The following RBM33 variants were observed in gnomAD, a reference collection of about 807,000 sequenced individuals.
RBM33 encodes RNA binding motif protein 33.
Under a neutral mutation model 132.6 loss-of-function variants are expected in RBM33, and 28 were observed. The ratio of observed to expected loss-of-function variants is 0.21; its 90% CI spans 0.16 to 0.29. The LOEUF (loss-of-function observed/expected upper bound fraction) is 0.29, where lower values mean the gene tolerates loss of function less well. Ranked by LOEUF, RBM33 falls within the 10% of genes least tolerant of loss-of-function variation. The probability of loss-of-function intolerance (pLI) is 1.00; values close to 1 mark genes in which losing one functional copy is unlikely to be tolerated. For missense variants in RBM33, 1,291 were observed against 1,518.5 expected, an observed-to-expected ratio of 0.85 and a Z score of 2.49; for synonymous variants, 634 against 593.0, an observed-to-expected ratio of 1.07 and a Z score of -1.01.
At chr7:155,657,252 G>A (rs1309646410) in intron 1 of RBM33, among the ~76,000 whole-genome samples, 6 of 152,062 alleles carry the variant, frequency 3.9e-5, no homozygotes, top group Admixed American at 6.5e-5. Flanking sequence ...AAAGTGCTAC[G>A]TAGCACGATG....
At chr7:155,663,440 TG>T (rs1740197411) in intron 1 of RBM33, among the ~76,000 whole-genome samples, 2 of 151,910 alleles carry the variant, frequency 1.3e-5, no homozygotes, top group Non-Finnish European at 2.9e-5. Flanking sequence ...TTACCTTACA[TG>T]GCAAAAGAAG....
intron 3 of RBM33, among the ~76,000 whole-genome samples, chr7:155,673,755 C>CGCGT (rs1491263273): frequency 1.2e-4 from 7 of 56,364 alleles, no homozygotes; most frequent in Non-Finnish European, 1.8e-4. Context: ...CGTGTATATA[C>CGCGT]GCGCGCATGC....
intron 3 of RBM33, among the ~76,000 whole-genome samples, chr7:155,677,078 G>A (rs537487280): frequency 1.3e-5 from 2 of 152,192 alleles, no homozygotes; most frequent in Non-Finnish European, 2.9e-5. Context: ...TACTGAGTTG[G>A]ACAGCCAAAC....
intron 1 of RBM33, among the ~76,000 whole-genome samples, chr7:155,656,464 C>T (rs531588376): frequency 5.3e-5 from 8 of 152,160 alleles, no homozygotes; most frequent in South Asian, 2.1e-4. Context: ...AGTGTAGTAT[C>T]GAAGAATATC....
intron 14 of RBM33, among the ~76,000 whole-genome samples, chr7:155,750,110 T>G (rs747224803): frequency 1.3e-5 from 2 of 152,228 alleles, no homozygotes; most frequent in Non-Finnish European, 2.9e-5. Flanking sequence ...TGCTAAAATT[T>G]TATGTGCCTT....
chr7:155,686,384 G>A (rs1168829550), intron 5 of RBM33, among the ~76,000 whole-genome samples: 3 of 152,168 alleles, frequency 2.0e-5, no homozygotes, highest in Non-Finnish European at 2.9e-5. Context: ...AGAAGACTGC[G>A]TGGAGATCAT....
chr7:155,733,111 A>G (rs567016436), intron 9 of RBM33, among the ~76,000 whole-genome samples: 1 of 152,178 alleles, frequency 6.6e-6, no homozygotes, highest in South Asian at 2.1e-4. Flanking sequence ...TTCTGTAGTG[A>G]TTTTGCATTT....
Position 155,680,827 on chromosome 7 carries a change from T to C in RBM33, c.486T>C (p.Tyr162=). 1 of 1,613,844 alleles carries C rather than the reference T, an allele frequency of 6.2e-7. No individual in the cohort carries two copies. The highest frequency in any genetic ancestry group is 1.1e-5 in the South Asian group (1 of 91,062). ...EAELTEDQIE[Y]VEEPEEEQLY... The stretch of plus-strand genomic sequence containing the variant: ...AGTTGACAGAAGACCAAATAGAATA[T>C]GTGGAAGAGCCAGAGGAGGAGCAGC... The change falls in exon 5 of 18, where the codon TAT becomes TAC. Residue 162 remains tyrosine (Y), a synonymous_variant. Coordinates refer to ENST00000401878, the MANE Select transcript of RBM33 (RefSeq NM_053043.3).
chr7:155,767,291 C>T (rs532819184), intron 16 of RBM33, among the ~76,000 whole-genome samples: 3 of 152,358 alleles, frequency 2.0e-5, no homozygotes, highest in Non-Finnish European at 2.9e-5. Context: ...TTGTTCAGTC[C>T]GATTTCTGGC....
At chr7:155,773,218 A>G (rs1007066364) in intron 16 of RBM33, among the ~76,000 whole-genome samples, 1 of 152,208 alleles carries the variant, frequency 6.6e-6, no homozygotes, top group Non-Finnish European at 1.5e-5. Flanking sequence ...GCAGTCCTTC[A>G]GGACAGTGTT....
chr7:155,644,938 C>T lies in RBM33; in HGVS notation c.43+19C>T, dbSNP rs888981628. ...GCCGGAGGTACGTGAGGCAGCCGGA[C>T]TCTGGGGGCCAGGACCGCGCCGCGG... On this transcript the variant is annotated intron_variant, in intron 1 of 17. Coordinates refer to ENST00000401878, the MANE Select transcript of RBM33 (RefSeq NM_053043.3). The T allele has an allele frequency of 6.7e-7, 1 of 1,490,704 alleles. No individual in the cohort carries two copies. The highest frequency in any genetic ancestry group is 8.9e-7 in the Non-Finnish European group (1 of 1,124,924). The allele number at this position is 1,490,704 out of a possible 1,614,324, so 92.3% of individuals were successfully genotyped here. A position where few individuals can be genotyped will look rare whatever the true frequency, so the allele number is the denominator to read the frequency against.
intron 11 of RBM33, chr7:155,739,343 G>C (rs903118130): frequency 6.2e-6 from 1 of 162,556 alleles, no homozygotes. Context: ...TGATGCCATC[G>C]TTTGAGAGTG....
intron 6 of RBM33, among the ~76,000 whole-genome samples, chr7:155,702,591 A>G (rs1298837780): frequency 6.6e-6 from 1 of 152,226 alleles, no homozygotes; most frequent in African/African-American, 2.4e-5. Flanking sequence ...AATTGGTAAT[A>G]TCACAGAACA....
At chr7:155,660,617 C>T (rs1798614348) in intron 1 of RBM33, among the ~76,000 whole-genome samples, 1 of 152,188 alleles carries the variant, frequency 6.6e-6, no homozygotes, top group Non-Finnish European at 1.5e-5. Flanking sequence ...AACTATTGCA[C>T]TTCCATTGTA....
intron 9 of RBM33, among the ~76,000 whole-genome samples, chr7:155,733,063 G>A (rs1430070026): frequency 7.2e-5 from 11 of 152,152 alleles, no homozygotes; most frequent in African/African-American, 2.4e-4. Context: ...TCAGGAGGAG[G>A]TAAAGGTTCT....
At chr7:155,696,902 C>T (rs747820560) in intron 5 of RBM33, among the ~76,000 whole-genome samples, 1 of 152,112 alleles carries the variant, frequency 6.6e-6, no homozygotes, top group African/African-American at 2.4e-5. Flanking sequence ...TATGATGTCT[C>T]CCAATCTCAG....
chr7:155,692,061 A>G (rs1799659004), intron 5 of RBM33, among the ~76,000 whole-genome samples: 1 of 150,704 alleles, frequency 6.6e-6, no homozygotes, highest in Non-Finnish European at 1.5e-5. Flanking sequence ...CAAAAAAAAA[A>G]AAAGAAAATT....
chr7:155,691,764 A>G (rs957036976), intron 5 of RBM33, among the ~76,000 whole-genome samples: 11 of 152,172 alleles, frequency 7.2e-5, no homozygotes, highest in African/African-American at 2.7e-4. Context: ...ACTATAAAAA[A>G]TGGTGACCTG....
chr7:155,738,585 C>A, intron 11 of RBM33, 182 bp downstream of exon 11: 3 of 618,196 alleles, frequency 4.9e-6, no homozygotes, highest in Non-Finnish European at 8.1e-6. Flanking sequence ...TATCTCAATA[C>A]AAGAAAAAAA....
Sources: allele counts gnomAD v4.1 joint callset (sites outside exome capture counted in the v4.1 genomes callset), GRCh38; gene constraint gnomAD v4.1.1; transcripts MANE v1.5; gene names NCBI Gene and HGNC (gene_info 2026-07-23, HGNC 2026-07-21).